The following ITGAE variants were observed in gnomAD, a reference collection of about 807,000 sequenced individuals.
ITGAE encodes integrin subunit alpha E.
In ITGAE, 99 loss-of-function variants were observed where a neutral mutation model predicts 136.5. That is an observed-to-expected ratio of 0.73 (90% confidence interval 0.62 to 0.86). The LOEUF is 0.86. Ranked by LOEUF, ITGAE falls within the 40% of genes least tolerant of loss-of-function variation. ITGAE has a pLI of 0.00. For missense variants in ITGAE, 1,447 were observed against 1,515.3 expected, an observed-to-expected ratio of 0.95 and a Z score of 0.75; for synonymous variants, 613 against 591.8, an observed-to-expected ratio of 1.04 and a Z score of -0.52.
At chr17:3,764,664 T>C (rs1451084039) in intron 2 of ITGAE, among the ~76,000 whole-genome samples, 1 of 152,106 alleles carries the variant, frequency 6.6e-6, no homozygotes, top group African/African-American at 2.4e-5. Context: ...GCCACTGCAC[T>C]CCAGCCTGGG....
At position 3,723,686 on chromosome 17, in the gene ITGAE, AC is replaced by A; in HGVS notation, c.3141+1del. The A allele has an allele frequency of 1.3e-6, 2 of 1,594,296 alleles. No homozygotes were observed. ...CTGGCCTCTCGGGACGGCCGCGCTT[AC>A]CTGAACCGAACTGTACGCACAAGCG... On this transcript the variant is annotated splice_donor_variant, in intron 27 of 30. Transcript: ENST00000263087. LOFTEE classifies it high-confidence loss of function.
In ITGAE at chr17:3,755,824, A is replaced by G; in HGVS notation, c.1239+6T>C. 2 of 1,588,696 alleles carry G rather than the reference A, an allele frequency of 1.3e-6. No homozygotes were observed. Among genetic ancestry groups the G allele is most frequent in the Non-Finnish European group, 1.7e-6 (2 of 1,168,050 alleles). On this transcript the variant is annotated splice_donor_region_variant and intron_variant, in intron 11 of 30. Transcript: ENST00000263087. ...AAGCCTGCCTGGTGCTGAGTCAGCCACGTACCTCATCCAGGATCTGAGCAC... is the reference window on the plus strand; with the variant it reads ...AAGCCTGCCTGGTGCTGAGTCAGCCGCGTACCTCATCCAGGATCTGAGCAC...
At position 3,777,705 on chromosome 17, in the gene ITGAE, C is replaced by T. The variant is rs2052577143; in HGVS notation, c.35-45G>A. 1.9e-6 allele frequency: 3 copies of T among 1,564,258 alleles called. No homozygotes were observed. The Middle Eastern group carries it at 5.1e-4, about 268-fold the overall frequency. ...GTTTAATGAAAGAGGCCTTTTACTC[C>T]CGTTATTCCAGCAAATCCTGTGGTG... On this transcript the variant is annotated intron_variant, in intron 1 of 30. Transcript: ENST00000263087.
intron 1 of ITGAE, among the ~76,000 whole-genome samples, chr17:3,800,444 C>T (rs1292558468): frequency 5.9e-5 from 9 of 152,322 alleles, no homozygotes; most frequent in Admixed American, 5.9e-4. Context: ...CCTCCAGGGG[C>T]TCACCTGACC....
At chr17:3,786,152 G>A in intron 1 of ITGAE, among the ~76,000 whole-genome samples, 1 of 137,824 alleles carries the variant, frequency 7.3e-6, no homozygotes, top group Admixed American at 7.7e-5. Context: ...GGGTGACAGA[G>A]AGAGACTCCA....
intron 2 of ITGAE, among the ~76,000 whole-genome samples, chr17:3,769,439 C>T (rs759173491): frequency 6.6e-5 from 10 of 152,124 alleles, no homozygotes; most frequent in Non-Finnish European, 1.0e-4. Context: ...ATTCATGCCG[C>T]CATCATGCAA....
intron 2 of ITGAE, among the ~76,000 whole-genome samples, chr17:3,769,466 C>T (rs1597351295): frequency 6.6e-6 from 1 of 152,294 alleles, no homozygotes; most frequent in East Asian, 1.9e-4. Context: ...GGCCTGGGGC[C>T]CTCTGAGCTG....
intron 2 of ITGAE, among the ~76,000 whole-genome samples, chr17:3,765,090 C>T (rs1171868291): frequency 6.6e-6 from 1 of 152,178 alleles, no homozygotes; most frequent in Non-Finnish European, 1.5e-5. Context: ...TGGCTCACGC[C>T]TGTAATCCCA....
intron 2 of ITGAE, among the ~76,000 whole-genome samples, chr17:3,770,414 G>A (rs986216030): frequency 3.9e-5 from 6 of 152,208 alleles, no homozygotes; most frequent in Non-Finnish European, 8.8e-5. Flanking sequence ...ACGGGTGTGA[G>A]CCCCCATGCC....
At chr17:3,724,369 G>C (rs55991903) in intron 26 of ITGAE, 24 of 1,604,852 alleles carry the variant, frequency 1.5e-5, no homozygotes, top group Middle Eastern at 1.7e-4. Context: ...GACTCCGGCC[G>C]CCTCAGCCCG....
At chr17:3,720,628 C>G in intron 28 of ITGAE, 1 of 364,370 alleles carries the variant, frequency 2.7e-6, no homozygotes, top group Non-Finnish European at 5.0e-6. Flanking sequence ...TTCGCCCAGG[C>G]TGGAGTGAAG....
chr17:3,739,179 G>A (rs894008587), intron 20 of ITGAE, among the ~76,000 whole-genome samples: 6 of 152,052 alleles, frequency 3.9e-5, no homozygotes, highest in Admixed American at 2.0e-4. Context: ...TCCAGTGTGT[G>A]CCAAAGTGTC....
At chr17:3,737,977 T>TGC (rs2051497406) in intron 20 of ITGAE, among the ~76,000 whole-genome samples, 1 of 152,192 alleles carries the variant, frequency 6.6e-6, no homozygotes, top group Admixed American at 6.5e-5. Flanking sequence ...GAAACAGCTG[T>TGC]GCCTGCTTGT....
Position 3,760,278 on chromosome 17 carries a change from A to ATC in ITGAE, c.606_607dup (p.Ile203ArgfsTer27). ...TCCTGAGCCATCCAGGATGATGGCA[A>ATC]TCTCGGTGCCTGGCCAAGACAAACA... On this transcript the variant is annotated frameshift_variant, in exon 7 of 31. Transcript: ENST00000263087. LOFTEE classifies it high-confidence loss of function. 1 of 1,610,608 alleles carries ATC rather than the reference A, an allele frequency of 6.2e-7. No homozygotes were observed. Among genetic ancestry groups the ATC allele is most frequent in the Non-Finnish European group, 8.5e-7 (1 of 1,177,188 alleles).
intron 15 of ITGAE, among the ~76,000 whole-genome samples, chr17:3,751,040 C>G (rs907710723): frequency 6.6e-6 from 1 of 151,772 alleles, no homozygotes; most frequent in Non-Finnish European, 1.5e-5. Flanking sequence ...ACAGGCTGTG[C>G]AGGCTGTGAG....
rs111269600 is a variant in ITGAE at position 3,723,787 on chromosome 17, C to A, written c.3085-43G>T. ...ACCGCGACGCGCTGAACAAACCAAG[C>A]CGCCAGTTTTCCGTCCCGTCCCGGC... On this transcript the variant is annotated intron_variant, in intron 26 of 30. Transcript: ENST00000263087. 1,114 of 1,599,844 alleles carry A rather than the reference C, an allele frequency of 7.0e-4. 10 individuals carry two copies. In the African/African-American group the frequency reaches 0.013, roughly 18 times the overall value.
intron 1 of ITGAE, among the ~76,000 whole-genome samples, chr17:3,785,412 T>C (rs1186631152): frequency 6.7e-6 from 1 of 150,142 alleles, no homozygotes; most frequent in Non-Finnish European, 1.5e-5. Context: ...GAGGTTGCAG[T>C]GAGCCGAGAT....
intron 20 of ITGAE, 121 bp from the exon 21 acceptor site, chr17:3,735,070 C>A (rs1055605571): frequency 1.8e-6 from 2 of 1,098,740 alleles, no homozygotes; most frequent in Non-Finnish European, 1.3e-6. Context: ...CACGGCTCAC[C>A]GCAGCCTCCA....
At chr17:3,772,489 G>A (rs1231152419) in intron 2 of ITGAE, among the ~76,000 whole-genome samples, 2 of 137,394 alleles carry the variant, frequency 1.5e-5, no homozygotes, top group East Asian at 4.4e-4. Flanking sequence ...TTTTTGAGAC[G>A]GAGTCTCACT....
Sources: allele counts gnomAD v4.1 joint callset (sites outside exome capture counted in the v4.1 genomes callset), GRCh38; gene constraint gnomAD v4.1.1; transcripts MANE v1.5; gene names NCBI Gene and HGNC (gene_info 2026-07-23, HGNC 2026-07-21).